TTC28: variants seen among roughly 807,000 people sequenced by gnomAD.
The protein encoded by TTC28 is tetratricopeptide repeat protein 28.
A neutral mutation model predicts 198.0 loss-of-function variants in TTC28; 61 were observed. The observed-to-expected ratio is 0.31, with a 90% CI of 0.25 to 0.38. TTC28 has a LOEUF of 0.38. TTC28 is among the 10% of genes least tolerant of loss of function. The pLI is 1.00. For missense variants in TTC28, 2,678 were observed against 3,164.0 expected (o/e 0.85, Z 3.69); for synonymous variants, 1,171 against 1,297.8 (o/e 0.90, Z 2.10).
chr22:28,179,183 G>A (rs1923467167), intron 5 of TTC28, among the ~76,000 whole-genome samples: 1 of 146,164 alleles, frequency 6.8e-6, no homozygotes, highest in Non-Finnish European at 1.5e-5. Flanking sequence ...TTTTTTGACA[G>A]AGTCTTGCTC....
chr22:28,094,430 C>G (rs10483144), intron 11 of TTC28, among the ~76,000 whole-genome samples, 185 bp from the exon 12 acceptor site: 2,353 of 152,236 alleles, frequency 0.015, 81 homozygotes, highest in African/African-American at 0.055. Context: ...TGGTCAGTAT[C>G]CTTTTCACAG....
In TTC28 at chr22:28,297,734, C is replaced by G. The variant is rs1174575043; in HGVS notation, c.648G>C (p.Val216=). The G allele has an allele frequency of 6.4e-7, 1 of 1,551,528 alleles. No individual in the cohort carries two copies. The highest frequency in any genetic ancestry group is 8.7e-7 in the Non-Finnish European group (1 of 1,147,008). ...TCTTCAGTGCGGCTTCTAAGACAAC[C>G]ACAGAGGCCCCATGATGGCCAGCTG... is the stretch of plus-strand genomic sequence containing the variant. ...LLTAGHHGAS[V]VVLEAALKIG... Residue 216 remains valine, a synonymous_variant, in exon 4 of 23, where the codon GTG becomes GTC. Coordinates refer to ENST00000397906, the MANE Select transcript of TTC28 (RefSeq NM_001145418.2).
intron 6 of TTC28, among the ~76,000 whole-genome samples, chr22:28,130,508 G>T (rs1943037239): frequency 6.6e-6 from 1 of 152,188 alleles, no homozygotes; most frequent in Non-Finnish European, 1.5e-5. Context: ...CTATCAGAAT[G>T]ATAGTGACAT....
At chr22:28,249,998 A>G (rs1284940506) in intron 5 of TTC28, among the ~76,000 whole-genome samples, 2 of 152,182 alleles carry the variant, frequency 1.3e-5, no homozygotes, top group Non-Finnish European at 2.9e-5. Flanking sequence ...TAAAATTTCA[A>G]TTAACACCCA....
At chr22:28,671,151 C>T (rs140669117) in intron 1 of TTC28, among the ~76,000 whole-genome samples, 1 of 151,832 alleles carries the variant, frequency 6.6e-6, no homozygotes, top group East Asian at 1.9e-4. Context: ...TACTATGTTG[C>T]CCAGGCTGAT....
chr22:28,340,034 C>A (rs1405607013), intron 2 of TTC28, among the ~76,000 whole-genome samples: 1 of 152,084 alleles, frequency 6.6e-6, no homozygotes, highest in Non-Finnish European at 1.5e-5. Context: ...TGTTGGCTCC[C>A]TAAATCACTG....
intron 6 of TTC28, among the ~76,000 whole-genome samples, chr22:28,128,851 T>G (rs1942982093): frequency 6.6e-6 from 1 of 152,150 alleles, no homozygotes; most frequent in African/African-American, 2.4e-5. Flanking sequence ...GGAATTTATT[T>G]TACACAATTT....
intron 2 of TTC28, among the ~76,000 whole-genome samples, chr22:28,399,019 T>C (rs1328870222): frequency 6.6e-6 from 1 of 151,666 alleles, no homozygotes; most frequent in East Asian, 1.9e-4. Context: ...TTTTGCCTTT[T>C]TTTTTTTTTT....
At chr22:28,395,631 CA>C (rs67627145) in intron 2 of TTC28, among the ~76,000 whole-genome samples, 8,683 of 24,596 alleles carry the variant, frequency 0.35, 501 homozygotes, top group African/African-American at 0.46. Context: ...AAAAACCAAA[CA>C]AACAAAAAAA....
At chr22:28,422,925 T>C (rs1233654325) in intron 2 of TTC28, among the ~76,000 whole-genome samples, 2 of 152,194 alleles carry the variant, frequency 1.3e-5, no homozygotes, top group African/African-American at 2.4e-5. Context: ...ATGGTATAAA[T>C]TGCCATCTTC....
At chr22:28,164,413 C>T (rs573861414) in intron 5 of TTC28, among the ~76,000 whole-genome samples, 1 of 152,304 alleles carries the variant, frequency 6.6e-6, no homozygotes, top group African/African-American at 2.4e-5. Flanking sequence ...CGGACTGACA[C>T]CTCACATGGC....
chr22:28,058,150 A>G (rs1215597288), intron 12 of TTC28, among the ~76,000 whole-genome samples: 1 of 151,944 alleles, frequency 6.6e-6, no homozygotes, highest in Non-Finnish European at 1.5e-5. Context: ...GCAATATGGT[A>G]TCTGTCCTAA....
chr22:28,536,458 AC>A (rs2049281060), intron 2 of TTC28, among the ~76,000 whole-genome samples: 1 of 151,826 alleles, frequency 6.6e-6, no homozygotes, highest in Non-Finnish European at 1.5e-5. Context: ...CCCCGTCTCT[AC>A]TAAAAATACA....
intron 2 of TTC28, among the ~76,000 whole-genome samples, chr22:28,544,126 C>T (rs1026154109): frequency 6.6e-6 from 1 of 152,128 alleles, no homozygotes; most frequent in Non-Finnish European, 1.5e-5. Flanking sequence ...GAGGCTGAGG[C>T]AGGAGAATCA....
At position 28,146,858 on chromosome 22, in the gene TTC28, C is replaced by A. The variant is rs1277422693; in HGVS notation, c.1441+16234G>T. Among the ~76,000 whole-genome samples, 3 of 151,900 alleles carry A rather than the reference C, an allele frequency of 2.0e-5. No individual in the cohort carries two copies. The South Asian group carries it at 6.2e-4, about 32-fold the overall frequency. ...GCTGTTCTGATGAGGGCTTGCTTTA[C>A]AAGCATGTTGGGCACATAACAACAA... On this transcript the variant is annotated intron_variant, in intron 6 of 22. Transcript: ENST00000397906.
intron 1 of TTC28, among the ~76,000 whole-genome samples, chr22:28,675,755 A>T (rs1192781842): frequency 1.3e-5 from 2 of 151,356 alleles, no homozygotes; most frequent in Admixed American, 6.6e-5. Flanking sequence ...ACACACACAC[A>T]CACACACACA....
intron 5 of TTC28, among the ~76,000 whole-genome samples, chr22:28,291,746 A>G (rs982661644): frequency 3.3e-5 from 5 of 152,168 alleles, no homozygotes; most frequent in Admixed American, 2.6e-4. Context: ...TTTACCTACA[A>G]GGATATTTTT....
intron 6 of TTC28, among the ~76,000 whole-genome samples, chr22:28,138,844 A>G (rs1309324464): frequency 6.6e-6 from 1 of 152,232 alleles, no homozygotes; most frequent in African/African-American, 2.4e-5. Context: ...TTAAAAGGAA[A>G]TCAATATTGT....
intron 12 of TTC28, among the ~76,000 whole-genome samples, chr22:28,040,600 C>T (rs1601549725): frequency 2.0e-5 from 3 of 152,218 alleles, no homozygotes; most frequent in Admixed American, 2.0e-4. Flanking sequence ...ATAATAAGAG[C>T]TATTTACCAC....
Sources: gnomAD v4.1 joint callset for allele counts (sites outside exome capture counted in the v4.1 genomes callset) on GRCh38, gnomAD v4.1.1 for gene constraint, MANE v1.5 for transcripts, NCBI Gene and HGNC (gene_info 2026-07-23, HGNC 2026-07-21) for gene names.